The following CDH8 variants were observed in gnomAD, a reference collection of about 807,000 sequenced individuals.
CDH8 encodes the protein cadherin 8.
A neutral mutation model predicts 68.1 loss-of-function variants in CDH8; 17 were observed. That is an observed-to-expected ratio of 0.25 (90% confidence interval 0.17 to 0.37). CDH8 has a LOEUF of 0.37. Among genes scored for constraint, CDH8 ranks in the 10% least tolerant of loss-of-function variants. CDH8 has a pLI of 1.00. For synonymous variants in CDH8, 372 were observed against 365.1 expected (o/e 1.02, Z -0.21); for missense variants, 763 against 999.3 (o/e 0.76, Z 3.19).
At chr16:61,707,485 A>C (rs1001926577) in intron 10 of CDH8, among the ~76,000 whole-genome samples, 2 of 152,072 alleles carry the variant, frequency 1.3e-5, no homozygotes, top group Non-Finnish European at 2.9e-5. Flanking sequence ...CTTATGTTTC[A>C]TTCTAATTCA....
intron 4 of CDH8, among the ~76,000 whole-genome samples, chr16:61,853,692 G>A (rs963265100): frequency 2.6e-5 from 4 of 152,026 alleles, no homozygotes; most frequent in African/African-American, 9.7e-5. Context: ...TGCTCTCAGA[G>A]GTATGTGGGT....
chr16:61,871,841 A>C (rs1029037254), intron 3 of CDH8, among the ~76,000 whole-genome samples: 3 of 147,252 alleles, frequency 2.0e-5, no homozygotes, highest in African/African-American at 7.4e-5. Context: ...AAAAAAAAAA[A>C]AAAAAACCCA....
chr16:62,011,780 T>C (rs1901819737), intron 2 of CDH8, among the ~76,000 whole-genome samples: 3 of 152,200 alleles, frequency 2.0e-5, no homozygotes, highest in Admixed American at 2.0e-4. Context: ...AGACCTCACT[T>C]TGAGTAATAA....
In CDH8 at chr16:61,684,551, T is replaced by C. The variant is rs552199786; in HGVS notation, c.1655-28830A>G. Among the ~76,000 whole-genome samples, 275 of 152,094 alleles carry C rather than the reference T, an allele frequency of 1.8e-3. 1 individual carries two copies. Among genetic ancestry groups the C allele is most frequent in the African/African-American group, 6.1e-3 (255 of 41,522 alleles). Reference sequence around the variant, plus strand: ...ATTGTTGCATATGCTATGTAAAAATTTCACGCTACATTTTGGGTCTATATC... The same window carrying C: ...ATTGTTGCATATGCTATGTAAAAATCTCACGCTACATTTTGGGTCTATATC... On this transcript the variant is annotated intron_variant, in intron 10 of 11. Transcript: ENST00000577390.
intron 4 of CDH8, among the ~76,000 whole-genome samples, chr16:61,854,758 T>C (rs1192268660): frequency 6.6e-6 from 1 of 152,148 alleles, no homozygotes; most frequent in Admixed American, 6.6e-5. Context: ...TCTTAATCTA[T>C]TTCTGCTTAG....
At chr16:61,961,654 C>A (rs1055265497) in intron 2 of CDH8, among the ~76,000 whole-genome samples, 5 of 152,162 alleles carry the variant, frequency 3.3e-5, no homozygotes, top group Non-Finnish European at 7.3e-5. Context: ...AATAGCACAC[C>A]CACAACTGTA....
intron 8 of CDH8, among the ~76,000 whole-genome samples, chr16:61,756,490 C>T (rs1283453463): frequency 6.6e-6 from 1 of 152,086 alleles, no homozygotes; most frequent in African/African-American, 2.4e-5. Context: ...TACACACACA[C>T]ACATACACAC....
At chr16:61,903,900 A>T (rs1394571983) in intron 2 of CDH8, among the ~76,000 whole-genome samples, 1 of 152,144 alleles carries the variant, frequency 6.6e-6, no homozygotes, top group Non-Finnish European at 1.5e-5. Context: ...ATGTAAGTGA[A>T]AGTAAATTCT....
chr16:61,867,086 AC>A (rs1963269825), intron 3 of CDH8, among the ~76,000 whole-genome samples: 1 of 152,160 alleles, frequency 6.6e-6, no homozygotes, highest in East Asian at 1.9e-4. Flanking sequence ...GTGAAAAGCC[AC>A]TGAGCCACTG....
chr16:61,921,357 A>T (rs1047407871), intron 2 of CDH8, among the ~76,000 whole-genome samples: 13 of 152,086 alleles, frequency 8.5e-5, no homozygotes, highest in Admixed American at 2.6e-4. Flanking sequence ...ATGTTCTTGA[A>T]AAAAACAACT....
chr16:61,861,595 A>G (rs1165974928), intron 3 of CDH8, among the ~76,000 whole-genome samples: 2 of 152,202 alleles, frequency 1.3e-5, no homozygotes, highest in African/African-American at 2.4e-5. Context: ...ACAAGCCTCA[A>G]AGTTTTGCGT....
In CDH8 at chr16:61,647,695, T is replaced by C. The variant is rs575837645; in HGVS notation, c.*5913A>G. 2.2e-5 allele frequency: 14 copies of C among 640,716 alleles called. No individual in the cohort carries two copies. The African/African-American group carries it at 2.6e-4, about 12-fold the overall frequency. 39.7% of individuals were successfully genotyped at this position (640,716 alleles called of 1,614,324 possible). On this transcript the variant is annotated 3_prime_UTR_variant, in exon 12 of 12. Transcript: ENST00000577390. ...AATTGTTAAAATTTTCCTCTTATTT[T>C]TGAGGAATCATAGGATGGCCTGAAG...
In CDH8 at chr16:61,888,459, T is replaced by C. The variant is rs188387998; in HGVS notation, c.547+12720A>G. Among the ~76,000 whole-genome samples, 305 of 152,294 alleles carry C rather than the reference T, an allele frequency of 2.0e-3. 2 individuals carry two copies. Among genetic ancestry groups the C allele is most frequent in the Non-Finnish European group, 1.6e-3 (108 of 68,026 alleles). ...TTCATGACGTATAAGGTCTAATCCCTATAATAACTCTTTTGTTATGTATGT... is the reference window on the plus strand; with the variant it reads ...TTCATGACGTATAAGGTCTAATCCCCATAATAACTCTTTTGTTATGTATGT... On this transcript the variant is annotated intron_variant, in intron 3 of 11. Coordinates refer to ENST00000577390, the MANE Select transcript of CDH8 (RefSeq NM_001796.5).
intron 2 of CDH8, among the ~76,000 whole-genome samples, chr16:62,010,999 T>A (rs1901796889): frequency 6.6e-6 from 1 of 151,526 alleles, no homozygotes; most frequent in Non-Finnish European, 1.5e-5. Flanking sequence ...CTGGATAATG[T>A]CATCAGTTTC....
At chr16:61,867,169 C>T in intron 3 of CDH8, among the ~76,000 whole-genome samples, 1 of 152,222 alleles carries the variant, frequency 6.6e-6, no homozygotes, top group Middle Eastern at 3.4e-3. Flanking sequence ...TATGAGTTCA[C>T]AGAGTTTTTA....
At chr16:62,028,482 C>T (rs988708468) in intron 1 of CDH8, among the ~76,000 whole-genome samples, 10 of 151,954 alleles carry the variant, frequency 6.6e-5, no homozygotes, top group South Asian at 4.1e-4. Flanking sequence ...AAATAAATGC[C>T]TCTCCTCCTC....
intron 8 of CDH8, among the ~76,000 whole-genome samples, chr16:61,751,245 A>G (rs1960150123): frequency 1.3e-5 from 2 of 151,914 alleles, no homozygotes; most frequent in Non-Finnish European, 2.9e-5. Context: ...CAGTTATGCA[A>G]CATATGCCTT....
chr16:61,960,347 ATGTGTGTGTG>A (rs367922151), intron 2 of CDH8, among the ~76,000 whole-genome samples: 1 of 26,568 alleles, frequency 3.8e-5, no homozygotes, highest in Non-Finnish European at 6.8e-5. Context: ...ACATATATAC[ATGTGTGTGTG>A]TATACACATA....
intron 9 of CDH8, 69 bp from the exon 10 acceptor site, chr16:61,714,027 G>T: frequency 1.1e-6 from 1 of 927,192 alleles, no homozygotes. Flanking sequence ...TAAAAGCTTA[G>T]TGACATTCTT....
Sources: allele counts gnomAD v4.1 joint callset (sites outside exome capture counted in the v4.1 genomes callset), GRCh38; gene constraint gnomAD v4.1.1; transcripts MANE v1.5; gene names NCBI Gene and HGNC (gene_info 2026-07-23, HGNC 2026-07-21).